Variants in CDH12 observed in about 807,000 individuals in gnomAD.
The protein encoded by CDH12 is cadherin 12.
CDH12 carries 41 observed loss-of-function variants against 74.1 expected under a neutral mutation model. That is an observed-to-expected ratio of 0.55 (90% confidence interval 0.43 to 0.72). CDH12 has a LOEUF of 0.72. Among genes scored for constraint, CDH12 ranks in the 30% least tolerant of loss-of-function variants. CDH12 has a pLI of 0.00. For missense variants in CDH12, 945 were observed against 977.2 expected (o/e 0.97, Z 0.44); for synonymous variants, 399 against 355.0 (o/e 1.12, Z -1.39).
intron 1 of CDH12, among the ~76,000 whole-genome samples, chr5:22,618,477 C>A (rs988169026): frequency 1.3e-5 from 2 of 152,104 alleles, no homozygotes; most frequent in African/African-American, 4.8e-5. Flanking sequence ...CCAGGGTATA[C>A]TTTAGAAAGC....
At chr5:22,592,679 AC>A in intron 1 of CDH12, among the ~76,000 whole-genome samples, 1 of 83,180 alleles carries the variant, frequency 1.2e-5, no homozygotes, top group African/African-American at 4.6e-5. Context: ...CTCCCCCTCC[AC>A]CCCCCACCAC....
chr5:22,838,837 C>A (rs911024018), intron 1 of CDH12, among the ~76,000 whole-genome samples: 1 of 151,992 alleles, frequency 6.6e-6, no homozygotes, highest in African/African-American at 2.4e-5. Flanking sequence ...CGCCACAATG[C>A]CAGGCTAATT....
intron 1 of CDH12, among the ~76,000 whole-genome samples, chr5:22,546,936 T>G (rs964563332): frequency 3.3e-5 from 5 of 152,204 alleles, no homozygotes; most frequent in Admixed American, 2.0e-4. Context: ...ATTTGGTATT[T>G]CATCTGCAAT....
At chr5:21,929,892 A>G (rs904225722) in intron 6 of CDH12, among the ~76,000 whole-genome samples, 1 of 152,178 alleles carries the variant, frequency 6.6e-6, no homozygotes, top group African/African-American at 2.4e-5. Flanking sequence ...AAGATGACAG[A>G]TAATACTGCT....
At chr5:21,850,884 C>T (rs1053862480) in intron 7 of CDH12, among the ~76,000 whole-genome samples, 21 of 150,996 alleles carry the variant, frequency 1.4e-4, no homozygotes, top group South Asian at 6.3e-4. Flanking sequence ...GTAAAATAAA[C>T]ATTTATAAAG....
intron 4 of CDH12, among the ~76,000 whole-genome samples, chr5:22,110,914 T>G (rs1744774524): frequency 6.6e-6 from 1 of 152,120 alleles, no homozygotes; most frequent in African/African-American, 2.4e-5. Flanking sequence ...CCAAAATAAT[T>G]AAAGACAACT....
At chr5:21,922,653 T>C (rs896413989) in intron 6 of CDH12, among the ~76,000 whole-genome samples, 11 of 152,118 alleles carry the variant, frequency 7.2e-5, no homozygotes, top group African/African-American at 2.4e-4. Context: ...GACAGAAATA[T>C]GGTTTACTAG....
chr5:22,346,617 A>G (rs1455819272), intron 3 of CDH12, among the ~76,000 whole-genome samples: 1 of 152,234 alleles, frequency 6.6e-6, no homozygotes, highest in Non-Finnish European at 1.5e-5. Context: ...TGCACAAGAA[A>G]TGTCAATCTG....
At chr5:22,429,779 C>A (rs1477055746) in intron 2 of CDH12, among the ~76,000 whole-genome samples, 1 of 152,162 alleles carries the variant, frequency 6.6e-6, no homozygotes, top group East Asian at 1.9e-4. Flanking sequence ...TTGACAACAT[C>A]TACACAAAGC....
chr5:22,023,407 C>T (rs1159201056), intron 5 of CDH12, among the ~76,000 whole-genome samples: 2 of 152,050 alleles, frequency 1.3e-5, no homozygotes, highest in Non-Finnish European at 2.9e-5. Context: ...AATAAACATG[C>T]AAACATGTTG....
intron 6 of CDH12, among the ~76,000 whole-genome samples, chr5:21,903,993 T>C (rs1351462845): frequency 6.6e-6 from 1 of 152,176 alleles, no homozygotes; most frequent in African/African-American, 2.4e-5. Context: ...CTAAGTGTCC[T>C]GCATGATGGA....
chr5:21,826,649 C>T (rs930342353), intron 8 of CDH12, among the ~76,000 whole-genome samples: 5 of 152,002 alleles, frequency 3.3e-5, no homozygotes, highest in African/African-American at 4.8e-5. Context: ...TTTCATGTAG[C>T]GGGGAAATTA....
intron 3 of CDH12, among the ~76,000 whole-genome samples, chr5:22,293,662 T>TA (rs1359019291): frequency 6.6e-6 from 1 of 151,874 alleles, no homozygotes; most frequent in African/African-American, 2.4e-5. Flanking sequence ...TATTCAGCCA[T>TA]AAAAAAGAAA....
intron 1 of CDH12, among the ~76,000 whole-genome samples, chr5:22,670,182 G>C (rs1181356422): frequency 6.6e-6 from 1 of 151,830 alleles, no homozygotes; most frequent in Admixed American, 6.6e-5. Context: ...TTGTTTATTT[G>C]TTTGTTTGTT....
intron 3 of CDH12, among the ~76,000 whole-genome samples, chr5:22,219,578 G>C (rs1751940185): frequency 6.6e-6 from 1 of 151,690 alleles, no homozygotes; most frequent in South Asian, 2.1e-4. Flanking sequence ...CAGTAATACA[G>C]AGTTTTAACA....
At chr5:22,633,062 A>C (rs1738666040) in intron 1 of CDH12, among the ~76,000 whole-genome samples, 1 of 152,120 alleles carries the variant, frequency 6.6e-6, no homozygotes, top group African/African-American at 2.4e-5. Flanking sequence ...AACACACTCA[A>C]AGGGAATGAA....
At chr5:22,639,873 C>T (rs1321385243) in intron 1 of CDH12, among the ~76,000 whole-genome samples, 1 of 152,112 alleles carries the variant, frequency 6.6e-6, no homozygotes, top group South Asian at 2.1e-4. Flanking sequence ...GTTTCAGGCC[C>T]GAGTGACTTA....
At chr5:22,163,834 G>C (rs761225323) in intron 4 of CDH12, among the ~76,000 whole-genome samples, 1 of 152,092 alleles carries the variant, frequency 6.6e-6, no homozygotes, top group Non-Finnish European at 1.5e-5. Flanking sequence ...TGACTCCCTA[G>C]GTCATTTTTT....
intron 2 of CDH12, among the ~76,000 whole-genome samples, chr5:22,483,756 A>G (rs1580695483): frequency 1.1e-5 from 1 of 90,500 alleles, no homozygotes; most frequent in Non-Finnish European, 2.2e-5. Context: ...AACTATATAT[A>G]TATATATAAA....
Sources: gnomAD v4.1 joint callset for allele counts (sites outside exome capture counted in the v4.1 genomes callset) on GRCh38, gnomAD v4.1.1 for gene constraint, MANE v1.5 for transcripts, NCBI Gene and HGNC (gene_info 2026-07-23, HGNC 2026-07-21) for gene names.